MARK3: variants seen among roughly 807,000 people sequenced by gnomAD.
MARK3 encodes MAP/microtubule affinity-regulating kinase 3.
A neutral mutation model predicts 90.1 loss-of-function variants in MARK3; 46 were observed. The observed-to-expected ratio is 0.51, with a 90% confidence interval of 0.40 to 0.65. MARK3 has a LOEUF of 0.65. Ranked by LOEUF, MARK3 falls within the 30% of genes least tolerant of loss-of-function variation. The probability of loss-of-function intolerance (pLI) is 0.00; values close to 1 mark genes in which losing one functional copy is unlikely to be tolerated. For synonymous variants in MARK3, 321 were observed against 332.6 expected (o/e 0.97, Z 0.38); for missense variants, 818 against 947.2 (o/e 0.86, Z 1.79).
intron 5 of MARK3, 25 bp from the exon 6 acceptor site, chr14:103,457,113 CTACT>C (rs760774722): frequency 6.5e-6 from 9 of 1,385,358 alleles, no homozygotes; most frequent in Non-Finnish European, 9.2e-6. Context: ...AGTAGGATTT[CTACT>C]TACTTTTATT....
At chr14:103,460,027 T>C (rs2093363038) in intron 6 of MARK3, among the ~76,000 whole-genome samples, 1 of 149,606 alleles carries the variant, frequency 6.7e-6, no homozygotes. Flanking sequence ...AATTTTTTGG[T>C]TGAGCTCATT....
intron 14 of MARK3, among the ~76,000 whole-genome samples, chr14:103,485,321 G>A (rs2093909642): frequency 6.8e-6 from 1 of 146,638 alleles, no homozygotes; most frequent in East Asian, 2.0e-4. Context: ...GCAGTACAGT[G>A]GCTAGTCACA....
At chr14:103,396,532 CAT>C (rs1382959186) in intron 1 of MARK3, among the ~76,000 whole-genome samples, 2 of 152,050 alleles carry the variant, frequency 1.3e-5, no homozygotes, top group Non-Finnish European at 2.9e-5. Context: ...TAGGTGTTTA[CAT>C]ATGTCAATAC....
At position 103,466,071 on chromosome 14, in the gene MARK3, A is replaced by G. The variant is rs2093496264; in HGVS notation, c.877A>G (p.Ile293Val). 2.5e-6 allele frequency: 4 copies of G among 1,614,034 alleles called. No individual in the cohort carries two copies. Among genetic ancestry groups the G allele is most frequent in the Non-Finnish European group, 3.4e-6 (4 of 1,180,004 alleles). Residue 293 changes from isoleucine (I) to valine (V), a missense_variant, in exon 9 of 18, where the codon ATT becomes GTT. Ile to Val is a conservative substitution (Grantham distance 29). Around this residue, in one of 3 missense-constraint regions of MARK3, gnomAD observed 560 missense variants for 613.5 expected, o/e 0.91. Coordinates refer to ENST00000429436, the MANE Select transcript of MARK3 (RefSeq NM_001128918.3). ...CAAACGTTTCCTGGTGCTAAATCCA[A>G]TTAAACGCGGCACTCTAGAGGTAAT... ...LLKRFLVLNP[I>V]KRGTLEQIMK...
chr14:103,486,980 T>C (rs1012174266), intron 14 of MARK3, among the ~76,000 whole-genome samples: 6 of 151,950 alleles, frequency 3.9e-5, no homozygotes, highest in African/African-American at 1.4e-4. Flanking sequence ...TTTAGTGGCA[T>C]GATCTCAGCT....
chr14:103,502,711 G>A (rs376727112), intron 17 of MARK3, among the ~76,000 whole-genome samples, 171 bp from the exon 18 acceptor site: 5 of 152,158 alleles, frequency 3.3e-5, no homozygotes, highest in Non-Finnish European at 7.3e-5. Flanking sequence ...AGGGGGTGAG[G>A]GAAGAAAATA....
chr14:103,446,750 C>T (rs1265702350), intron 3 of MARK3, among the ~76,000 whole-genome samples: 8 of 116,646 alleles, frequency 6.9e-5, no homozygotes, highest in South Asian at 3.1e-4. Flanking sequence ...TGGAGTCTTG[C>T]TCTGTCACCC....
In MARK3 at chr14:103,411,293, CA is replaced by C. The variant is rs576253275; in HGVS notation, c.243+6032del. On this transcript the variant is annotated intron_variant, in intron 2 of 17. Coordinates refer to ENST00000429436, the MANE Select transcript of MARK3 (RefSeq NM_001128918.3). Reference sequence around the variant, plus strand: ...CGTCTCGAAAAAACAAACAAACAAACAAAAAACCAGTTTTGTATTTTCTTCT... The same window carrying C: ...CGTCTCGAAAAAACAAACAAACAAACAAAAACCAGTTTTGTATTTTCTTCT... Among the ~76,000 whole-genome samples, 19 of 152,238 alleles carry C rather than the reference CA, an allele frequency of 1.2e-4. No homozygotes were observed. The South Asian group carries it at 2.1e-3, about 17-fold the overall frequency.
At chr14:103,441,672 T>C (rs534527635) in intron 3 of MARK3, 1 of 152,310 alleles carries the variant, frequency 6.6e-6, no homozygotes, top group South Asian at 2.1e-4. Context: ...TAAAGTAATC[T>C]TTAAGCCACC....
intron 15 of MARK3, among the ~76,000 whole-genome samples, chr14:103,493,258 A>ATTTTTTTTTTTTTTTTTTTTTTTTTTTTT (rs10678432): frequency 9.5e-6 from 1 of 105,374 alleles, no homozygotes; most frequent in African/African-American, 3.5e-5. Flanking sequence ...TTTTTTTTTA[A>ATTTTTTTTTTTTTTTTTTTTTTTTTTTTT]TTTTTTTTTT....
chr14:103,446,844 AT>A (rs2093010120), intron 3 of MARK3, among the ~76,000 whole-genome samples: 1 of 148,594 alleles, frequency 6.7e-6, no homozygotes, highest in African/African-American at 2.5e-5. Flanking sequence ...TAATTGGGAG[AT>A]TTGAATTCTA....
At chr14:103,404,634 GGAA>G (rs2091167833) in intron 1 of MARK3, among the ~76,000 whole-genome samples, 1 of 152,094 alleles carries the variant, frequency 6.6e-6, no homozygotes, top group Non-Finnish European at 1.5e-5. Context: ...AAGGAAATCG[GGAA>G]TCCAGATTCT....
chr14:103,503,603 TA>T lies in MARK3; in HGVS notation c.*380del. 1 of 193,324 alleles carries T rather than the reference TA, an allele frequency of 5.2e-6. No individual in the cohort carries two copies. The highest frequency in any genetic ancestry group is 1.3e-4 in the South Asian group (1 of 7,740). 12.0% of individuals were successfully genotyped at this position (193,324 alleles called of 1,614,324 possible). ...ACCTCTGCGGGAGATCATCCGGTGC[TA>T]AAACATTACAGTTGCCAAGGAGGAA... On this transcript the variant is annotated 3_prime_UTR_variant, in exon 18 of 18. Transcript: ENST00000429436.
chr14:103,459,912 A>C (rs920533306), intron 6 of MARK3, among the ~76,000 whole-genome samples: 5 of 151,914 alleles, frequency 3.3e-5, no homozygotes, highest in Admixed American at 6.6e-5. Flanking sequence ...TATGCCACAC[A>C]CAAAGTACAC....
rs893672479 is a variant in MARK3 at position 103,385,888 on chromosome 14, A to G, written c.-142A>G. On this transcript the variant is annotated 5_prime_UTR_variant, in exon 1 of 18. Coordinates refer to ENST00000429436, the MANE Select transcript of MARK3 (RefSeq NM_001128918.3). Reference sequence around the variant, plus strand: ...GGCCCGGGCCAGGCCCGGGATCTAGACGGCCGTAGGGGGAAGGGAGCCGCC... The same window carrying G: ...GGCCCGGGCCAGGCCCGGGATCTAGGCGGCCGTAGGGGGAAGGGAGCCGCC... The G allele has an allele frequency of 3.3e-5, 21 of 642,648 alleles. No individual in the cohort carries two copies. Among genetic ancestry groups the G allele is most frequent in the Non-Finnish European group, 5.9e-5 (21 of 356,686 alleles). The allele number at this position is 642,648 out of a possible 1,614,324, so 39.8% of individuals were successfully genotyped here. A position where few individuals can be genotyped will look rare whatever the true frequency, so the allele number is the denominator to read the frequency against.
At position 103,503,770 on chromosome 14, in the gene MARK3, TTGTG is replaced by T. The variant is rs1375108349; in HGVS notation, c.*549_*552del. On this transcript the variant is annotated 3_prime_UTR_variant, in exon 18 of 18. Coordinates refer to ENST00000429436, the MANE Select transcript of MARK3 (RefSeq NM_001128918.3). ...TTAAATTTATAGTTGTGAACATTGC[TTGTG>T]TGTGTTTTTCTAAGTAGATTCACAA... 2.6e-5 allele frequency: 4 copies of T among 153,258 alleles called. No homozygotes were observed. Among genetic ancestry groups the T allele is most frequent in the African/African-American group, 7.2e-5 (3 of 41,476 alleles). 9.5% of individuals were successfully genotyped at this position (153,258 alleles called of 1,614,324 possible).
intron 3 of MARK3, among the ~76,000 whole-genome samples, chr14:103,446,710 C>CTTTTTTTTTTTTTTTTTTT (rs746523547): frequency 1.0e-5 from 1 of 98,050 alleles, no homozygotes; most frequent in African/African-American, 5.3e-5. Context: ...AGATTGTTGT[C>CTTTTTTTTTTTTTTTTTTT]TTTTTTTTTT....
intron 3 of MARK3, among the ~76,000 whole-genome samples, chr14:103,433,462 G>A (rs1370741668): frequency 6.6e-6 from 1 of 152,120 alleles, no homozygotes; most frequent in Non-Finnish European, 1.5e-5. Flanking sequence ...GGGAGGCCGA[G>A]GCGGGTGGAT....
At chr14:103,399,413 C>G (rs2090794744) in intron 1 of MARK3, among the ~76,000 whole-genome samples, 1 of 152,004 alleles carries the variant, frequency 6.6e-6, no homozygotes, top group Non-Finnish European at 1.5e-5. Flanking sequence ...TGTTTTTCTC[C>G]AAAAAGAAAT....
Sources: gnomAD v4.1 joint callset for allele counts (sites outside exome capture counted in the v4.1 genomes callset) on GRCh38, gnomAD v4.1.1 for gene constraint, gnomAD v4.1.1 regional missense constraint, MANE v1.5 for transcripts, NCBI Gene and HGNC (gene_info 2026-07-23, HGNC 2026-07-21) for gene names.